The following SUGCT variants were observed in gnomAD, a reference collection of about 807,000 sequenced individuals.
SUGCT encodes the protein succinyl-CoA:glutarate-CoA transferase.
In SUGCT, 41 loss-of-function variants were observed where a neutral mutation model predicts 55.0. The observed-to-expected ratio is 0.74, with a 90% CI of 0.58 to 0.97. The LOEUF (loss-of-function observed/expected upper bound fraction) is 0.97, where lower values mean the gene tolerates loss of function less well. Among genes scored for constraint, SUGCT ranks in the 50% least tolerant of loss-of-function variants. The pLI, the probability that SUGCT is intolerant of heterozygous loss-of-function variation, is 0.00. For synonymous variants in SUGCT, 187 were observed against 200.4 expected, an observed-to-expected ratio of 0.93 and a Z score of 0.56; for missense variants, 568 against 547.8, an observed-to-expected ratio of 1.04 and a Z score of -0.37.
At chr7:40,360,619 C>T (rs1018822625) in intron 9 of SUGCT, among the ~76,000 whole-genome samples, 48 of 152,192 alleles carry the variant, frequency 3.2e-4, no homozygotes, top group African/African-American at 9.2e-4. Context: ...CTCCTAACCC[C>T]GTTGTGGGAG....
intron 9 of SUGCT, among the ~76,000 whole-genome samples, chr7:40,391,394 G>A (rs1314259295): frequency 6.6e-6 from 1 of 151,970 alleles, no homozygotes; most frequent in East Asian, 1.9e-4. Context: ...TCTGACAAAG[G>A]GCTAATATCC....
At chr7:40,294,465 C>T (rs147723316) in intron 8 of SUGCT, among the ~76,000 whole-genome samples, 134 of 152,268 alleles carry the variant, frequency 8.8e-4, no homozygotes, top group Non-Finnish European at 1.4e-3. Flanking sequence ...AGTTAGATTC[C>T]GCTGGTCACA....
At chr7:40,721,302 C>G (rs1786323453) in intron 12 of SUGCT, among the ~76,000 whole-genome samples, 1 of 152,160 alleles carries the variant, frequency 6.6e-6, no homozygotes, top group African/African-American at 2.4e-5. Flanking sequence ...TTATACTATG[C>G]CTCATTCAAG....
chr7:40,638,183 T>C (rs1461024960), intron 12 of SUGCT, among the ~76,000 whole-genome samples: 1 of 152,232 alleles, frequency 6.6e-6, no homozygotes, highest in Non-Finnish European at 1.5e-5. Context: ...GCACTTGTTT[T>C]GGTGGCAGGT....
chr7:40,448,081 G>A lies in SUGCT; in HGVS notation c.817-1206G>A, dbSNP rs147192829. On this transcript the variant is annotated intron_variant, in intron 9 of 13. Coordinates refer to ENST00000335693, the MANE Select transcript of SUGCT (RefSeq NM_001193313.2). ...GGACAGACATTTTTAGGTACATAAA[G>A]CCACATGAGGTCCAGAGAGATACTG... Among the ~76,000 whole-genome samples the A allele has an allele frequency of 2.9e-3, 438 of 152,226 alleles. 2 individuals carry two copies. The highest frequency in any genetic ancestry group is 9.9e-3 in the African/African-American group (413 of 41,534).
chr7:40,316,504 G>A (rs1795439604), intron 8 of SUGCT, among the ~76,000 whole-genome samples: 1 of 152,136 alleles, frequency 6.6e-6, no homozygotes, highest in Non-Finnish European at 1.5e-5. Flanking sequence ...TCTGCTTTCA[G>A]ATAATCTTTT....
At chr7:40,559,521 C>T (rs996952744) in intron 12 of SUGCT, among the ~76,000 whole-genome samples, 5 of 152,136 alleles carry the variant, frequency 3.3e-5, no homozygotes, top group African/African-American at 1.2e-4. Flanking sequence ...TCATTTTTAT[C>T]ATAAATGGTG....
the SUGCT span, among the ~76,000 whole-genome samples, chr7:40,953,061 C>G: frequency 6.6e-6 from 1 of 152,144 alleles, no homozygotes; most frequent in South Asian, 2.1e-4. Flanking sequence ...CAACTTGGTT[C>G]CATTCTTCCC....
chr7:40,921,133 ATG>A, the SUGCT span, among the ~76,000 whole-genome samples: 1 of 152,196 alleles, frequency 6.6e-6, no homozygotes, highest in Non-Finnish European at 1.5e-5. Flanking sequence ...ACAGATGGAA[ATG>A]TGTTAGTATA....
intron 12 of SUGCT, among the ~76,000 whole-genome samples, chr7:40,545,263 G>A (rs1220171663): frequency 6.6e-6 from 1 of 152,142 alleles, no homozygotes; most frequent in East Asian, 1.9e-4. Flanking sequence ...TGACATATTC[G>A]GTATTTCTCA....
At chr7:40,697,088 A>AAC (rs371939635) in intron 12 of SUGCT, among the ~76,000 whole-genome samples, 13 of 151,810 alleles carry the variant, frequency 8.6e-5, no homozygotes, top group African/African-American at 2.7e-4. Context: ...ACTCACACGT[A>AAC]ACACACACAC....
chr7:40,149,763 C>G (rs1788453215), intron 1 of SUGCT, among the ~76,000 whole-genome samples: 2 of 152,050 alleles, frequency 1.3e-5, no homozygotes, highest in Non-Finnish European at 2.9e-5. Context: ...ACTAAAAATA[C>G]AAAAAATTAG....
chr7:40,774,777 TA>T (rs5883739), intron 13 of SUGCT, among the ~76,000 whole-genome samples: 59,634 of 132,564 alleles, frequency 0.45, 12,604 homozygotes, highest in South Asian at 0.61. Flanking sequence ...TTTTGGCAAA[TA>T]AAAAAAAAAA....
chr7:40,902,479 C>G, the SUGCT span, among the ~76,000 whole-genome samples: 1 of 149,546 alleles, frequency 6.7e-6, no homozygotes, highest in Non-Finnish European at 1.5e-5. Context: ...ACTTAGGAGG[C>G]TGAGGCAGGA....
At chr7:40,286,208 A>G (rs1793327582) in intron 8 of SUGCT, among the ~76,000 whole-genome samples, 1 of 152,200 alleles carries the variant, frequency 6.6e-6, no homozygotes, top group African/African-American at 2.4e-5. Context: ...ACAACAAACA[A>G]GTAATTAGTA....
intron 8 of SUGCT, among the ~76,000 whole-genome samples, chr7:40,283,568 T>C (rs931213106): frequency 2.0e-5 from 3 of 152,076 alleles, no homozygotes; most frequent in African/African-American, 7.2e-5. Flanking sequence ...GGCCAACAAG[T>C]ATCTGAGAAA....
chr7:40,726,919 G>A (rs1786641645), intron 12 of SUGCT, among the ~76,000 whole-genome samples: 1 of 152,222 alleles, frequency 6.6e-6, no homozygotes, highest in Non-Finnish European at 1.5e-5. Context: ...TTGCATGGCA[G>A]GAGAAGGATG....
chr7:40,762,945 T>G (rs1455123174), intron 13 of SUGCT, among the ~76,000 whole-genome samples: 1 of 152,098 alleles, frequency 6.6e-6, no homozygotes, highest in Non-Finnish European at 1.5e-5. Context: ...CCTGAGTAGC[T>G]GGGATTACAG....
At chr7:40,995,322 AC>A in the SUGCT span, among the ~76,000 whole-genome samples, 28 of 151,880 alleles carry the variant, frequency 1.8e-4, no homozygotes, top group African/African-American at 6.5e-4. Flanking sequence ...CTAGACACAT[AC>A]ACACATTTTA....
Sources: allele counts gnomAD v4.1 joint callset (sites outside exome capture counted in the v4.1 genomes callset), GRCh38; gene constraint gnomAD v4.1.1; transcripts MANE v1.5; gene names NCBI Gene and HGNC (gene_info 2026-07-23, HGNC 2026-07-21).